CDKL5: variants seen among roughly 807,000 people sequenced by gnomAD.
CDKL5 encodes the protein cyclin-dependent kinase-like 5.
A neutral mutation model predicts 61.7 loss-of-function variants in CDKL5; 8 were observed. The ratio of observed to expected loss-of-function variants is 0.13; its 90% confidence interval spans 0.08 to 0.23. CDKL5 has a LOEUF of 0.23. Ranked by LOEUF, CDKL5 falls within the 10% of genes least tolerant of loss-of-function variation. The probability of loss-of-function intolerance (pLI) is 1.00; values close to 1 mark genes in which losing one functional copy is unlikely to be tolerated. For missense variants in CDKL5, 440 were observed against 734.5 expected (o/e 0.60, Z 4.63); for synonymous variants, 275 against 272.3 (o/e 1.01, Z -0.10).
At chrX:18,439,056 C>CT (rs1476613926) in intron 1 of CDKL5, among the ~76,000 whole-genome samples, 4 of 76,739 alleles carry the variant, frequency 5.2e-5, no homozygotes, top group Admixed American at 1.5e-4. Context: ...CCCCCCCCCC[C>CT]GCCCCCCACC....
chrX:18,524,975 T>G (rs988847643), intron 3 of CDKL5, among the ~76,000 whole-genome samples: 1 of 111,767 alleles, frequency 8.9e-6, no homozygotes, highest in Non-Finnish European at 1.9e-5. Context: ...CAGGCTGCAA[T>G]ACAGTGATGC....
At chrX:18,558,709 A>G (rs1466827473) in intron 3 of CDKL5, among the ~76,000 whole-genome samples, 1 of 111,841 alleles carries the variant, frequency 8.9e-6, no homozygotes, top group Non-Finnish European at 1.9e-5. Flanking sequence ...TGCTCACAGG[A>G]ACTGAAAAAT....
At chrX:18,440,788 C>G (rs1478132828) in intron 1 of CDKL5, among the ~76,000 whole-genome samples, 2 of 111,350 alleles carry the variant, frequency 1.8e-5, no homozygotes, top group Non-Finnish European at 3.8e-5. Flanking sequence ...GCCGTTAGTG[C>G]TGGTATTTGA....
chrX:18,446,210 A>T (rs1192161840), intron 1 of CDKL5, among the ~76,000 whole-genome samples: 1 of 106,910 alleles, frequency 9.4e-6, no homozygotes, highest in East Asian at 3.0e-4. Flanking sequence ...AAAAAAAATT[A>T]GCCAGGGATG....
intron 3 of CDKL5, among the ~76,000 whole-genome samples, chrX:18,564,019 C>T (rs1229616000): frequency 9.0e-6 from 1 of 111,481 alleles, no homozygotes; most frequent in Non-Finnish European, 1.9e-5. Context: ...TCAATAGGGG[C>T]GAGCTGGTGA....
chrX:18,628,040 CAT>C (rs1481750271), intron 17 of CDKL5, among the ~76,000 whole-genome samples: 8 of 111,516 alleles, frequency 7.2e-5, no homozygotes, highest in Non-Finnish European at 1.9e-5. Context: ...AACAGAGAAA[CAT>C]ACACCTTTTG....
At chrX:18,536,827 C>T (rs751825416) in intron 3 of CDKL5, among the ~76,000 whole-genome samples, 30 of 111,060 alleles carry the variant, frequency 2.7e-4, no homozygotes, top group African/African-American at 9.5e-4. Context: ...GACTTTTAAA[C>T]TCTTCATTGG....
rs1195736982 is a variant in CDKL5 at position 18,606,735 on chromosome X, A to G, written c.1944+1867A>G. ...GGTAACAGATGTTACATAGCATGGT[A>G]TGCTTTGGGCATTGCAACTTGTTCC... On this transcript the variant is annotated intron_variant, in intron 12 of 17. Coordinates refer to ENST00000623535, the MANE Select transcript of CDKL5 (RefSeq NM_001323289.2). 3.0e-4 allele frequency among the ~76,000 whole-genome samples: 34 copies of G among 112,539 alleles called. 2 individuals carry two copies. Among genetic ancestry groups the G allele is most frequent in the Non-Finnish European group, 1.9e-5 (1 of 53,345 alleles).
intron 6 of CDKL5, among the ~76,000 whole-genome samples, chrX:18,580,258 T>G (rs1925436222): frequency 8.9e-6 from 1 of 111,931 alleles, no homozygotes; most frequent in Admixed American, 9.5e-5. Flanking sequence ...ATAAGAGAAC[T>G]CAACAAATGT....
At chrX:18,439,534 C>T (rs896507853) in intron 1 of CDKL5, among the ~76,000 whole-genome samples, 9 of 110,967 alleles carry the variant, frequency 8.1e-5, no homozygotes, top group Non-Finnish European at 1.5e-4. Context: ...TTTGTGGTTA[C>T]TGAGTGCATA....
chrX:18,463,467 A>G (rs960572118), intron 1 of CDKL5, among the ~76,000 whole-genome samples: 3 of 112,263 alleles, frequency 2.7e-5, no homozygotes, highest in African/African-American at 9.7e-5. Flanking sequence ...TCAGTTTTGT[A>G]TGCATGGAAT....
intron 8 of CDKL5, among the ~76,000 whole-genome samples, chrX:18,585,427 A>T (rs1045583782): frequency 6.3e-5 from 7 of 111,166 alleles, no homozygotes; most frequent in Non-Finnish European, 1.3e-4. Flanking sequence ...AAACAAAAAA[A>T]TGGACCAATT....
Position 18,559,902 on chromosome X carries a change from C to T in CDKL5, c.100-4575C>T, listed in dbSNP as rs1294639771. Among the ~76,000 whole-genome samples, 7 of 105,062 alleles carry T rather than the reference C, an allele frequency of 6.7e-5. No individual in the cohort carries two copies. In the East Asian group the frequency reaches 9.1e-4, roughly 14 times the overall value. The allele number at this position is 105,062 out of a possible 115,157, so 91.2% of individuals were successfully genotyped here. A position where few individuals can be genotyped will look rare whatever the true frequency, so the allele number is the denominator to read the frequency against. ...TGCGGTGTTTGGTTTTTTGTTCTTG[C>T]GATAGTTTGCTGAGAATGATGGTTT... On this transcript the variant is annotated intron_variant, in intron 3 of 17. Transcript: ENST00000623535.
chrX:18,440,824 G>T (rs1457789823), intron 1 of CDKL5, among the ~76,000 whole-genome samples: 1 of 111,497 alleles, frequency 9.0e-6, no homozygotes, highest in African/African-American at 3.3e-5. Context: ...AATTGGTGTA[G>T]CCAAGTCCAA....
At chrX:18,468,977 TATA>T (rs1476700699) in intron 1 of CDKL5, among the ~76,000 whole-genome samples, 1 of 111,552 alleles carries the variant, frequency 9.0e-6, no homozygotes, top group Non-Finnish European at 1.9e-5. Flanking sequence ...TACGAAAATG[TATA>T]TTAGACTTTT....
intron 3 of CDKL5, among the ~76,000 whole-genome samples, chrX:18,514,219 T>C (rs986477514): frequency 1.8e-5 from 2 of 111,770 alleles, no homozygotes; most frequent in African/African-American, 6.5e-5. Flanking sequence ...CCTAATTTAC[T>C]GAAATTAATG....
chrX:18,585,420 CA>C (rs889657036), intron 8 of CDKL5, among the ~76,000 whole-genome samples: 7 of 110,652 alleles, frequency 6.3e-5, no homozygotes, highest in Non-Finnish European at 1.3e-4. Flanking sequence ...CCCCAAAAAA[CA>C]AAAAAATGGA....
intron 3 of CDKL5, chrX:18,535,818 G>T (rs963496249): frequency 8.8e-6 from 1 of 113,991 alleles, no homozygotes; most frequent in African/African-American, 3.3e-5. Flanking sequence ...CTGGCCTGCA[G>T]AGTCCCTCCA....
chrX:18,575,806 G>C (rs1209680488), intron 5 of CDKL5, among the ~76,000 whole-genome samples: 2 of 111,920 alleles, frequency 1.8e-5, no homozygotes, highest in Non-Finnish European at 3.8e-5. Flanking sequence ...GGAGAAACTG[G>C]TAAACTGACA....
Sources: allele counts gnomAD v4.1 joint callset (sites outside exome capture counted in the v4.1 genomes callset), GRCh38; gene constraint gnomAD v4.1.1; transcripts MANE v1.5; gene names NCBI Gene and HGNC (gene_info 2026-07-23, HGNC 2026-07-21).